GRID2: variants seen among roughly 807,000 people sequenced by gnomAD.
GRID2 encodes the protein glutamate receptor ionotropic, delta-2.
GRID2 carries 33 observed loss-of-function variants against 114.8 expected under a neutral mutation model. The observed-to-expected ratio is 0.29, with a 90% CI of 0.22 to 0.38. GRID2 has a LOEUF of 0.38. Ranked by LOEUF, GRID2 falls within the 10% of genes least tolerant of loss-of-function variation. The pLI, the probability that GRID2 is intolerant of heterozygous loss-of-function variation, is 1.00. For synonymous variants in GRID2, 505 were observed against 449.9 expected (o/e 1.12, Z -1.55); for missense variants, 1,184 against 1,257.7 (o/e 0.94, Z 0.89).
At chr4:93,717,243 G>T (rs1728977749) in intron 14 of GRID2, among the ~76,000 whole-genome samples, 1 of 152,064 alleles carries the variant, frequency 6.6e-6, no homozygotes, top group Admixed American at 6.6e-5. Context: ...TTCTTGTCCT[G>T]TTGGAACTTT....
intron 8 of GRID2, among the ~76,000 whole-genome samples, chr4:93,250,553 CA>C (rs33946614): frequency 1.4e-5 from 2 of 146,180 alleles, no homozygotes; most frequent in African/African-American, 2.5e-5. Flanking sequence ...TTCTTCTTGA[CA>C]AAAAAAAAGT....
chr4:92,323,223 T>C (rs998308209), intron 1 of GRID2, among the ~76,000 whole-genome samples: 1 of 152,150 alleles, frequency 6.6e-6, no homozygotes, highest in Admixed American at 6.6e-5. Flanking sequence ...AGAACTCTAT[T>C]ATAAAGTAAC....
chr4:93,553,694 A>G (rs913553712), intron 13 of GRID2, among the ~76,000 whole-genome samples: 2 of 152,198 alleles, frequency 1.3e-5, no homozygotes, highest in African/African-American at 4.8e-5. Context: ...CCACAAGTTT[A>G]TTAAGGAAGA....
At chr4:92,824,970 A>G (rs1741580864) in intron 2 of GRID2, among the ~76,000 whole-genome samples, 1 of 150,528 alleles carries the variant, frequency 6.6e-6, no homozygotes, top group African/African-American at 2.4e-5. Flanking sequence ...TTTATTTTTC[A>G]TATCCACAAA....
chr4:93,493,097 T>C (rs945974795), intron 12 of GRID2, among the ~76,000 whole-genome samples: 5 of 151,882 alleles, frequency 3.3e-5, no homozygotes, highest in African/African-American at 1.2e-4. Flanking sequence ...TTTTAATCAA[T>C]AAAATTGAGT....
intron 9 of GRID2, among the ~76,000 whole-genome samples, chr4:93,399,965 T>C (rs769177758): frequency 2.0e-5 from 3 of 152,108 alleles, no homozygotes; most frequent in Non-Finnish European, 4.4e-5. Context: ...ATATATTAAC[T>C]TATTTAATCC....
chr4:93,484,698 G>A (rs1294034875), intron 11 of GRID2, among the ~76,000 whole-genome samples: 1 of 151,910 alleles, frequency 6.6e-6, no homozygotes, highest in African/African-American at 2.4e-5. Context: ...TGAACAGTTG[G>A]TCACCTATAG....
At chr4:93,196,745 C>G (rs534077307) in intron 4 of GRID2, among the ~76,000 whole-genome samples, 1 of 152,266 alleles carries the variant, frequency 6.6e-6, no homozygotes, top group South Asian at 2.1e-4. Flanking sequence ...GGCACAGTAT[C>G]TAAGAATCGT....
At chr4:92,384,338 T>C (rs1729765412) in intron 1 of GRID2, among the ~76,000 whole-genome samples, 1 of 141,398 alleles carries the variant, frequency 7.1e-6, no homozygotes. Context: ...TGGAGTACAG[T>C]TTTAAAAGTA....
intron 8 of GRID2, among the ~76,000 whole-genome samples, chr4:93,305,908 C>T (rs377497572): frequency 6.6e-6 from 1 of 152,100 alleles, no homozygotes. Flanking sequence ...CACAAGTTAA[C>T]GATCTATGTG....
chr4:92,574,224 A>C (rs1391204966), intron 1 of GRID2, among the ~76,000 whole-genome samples: 3 of 152,060 alleles, frequency 2.0e-5, no homozygotes. Flanking sequence ...ACAGCATACC[A>C]ATGGGTTTTA....
chr4:92,653,136 T>A (rs1035583169), intron 2 of GRID2, among the ~76,000 whole-genome samples: 2 of 150,384 alleles, frequency 1.3e-5, no homozygotes, highest in African/African-American at 4.9e-5. Flanking sequence ...TAGCTGGGAT[T>A]ACAGGCACTT....
chr4:92,831,816 C>T (rs565763305), intron 2 of GRID2, among the ~76,000 whole-genome samples: 4 of 152,020 alleles, frequency 2.6e-5, no homozygotes, highest in East Asian at 3.9e-4. Flanking sequence ...GCTGAGATCA[C>T]GCCACTATAC....
At chr4:92,844,724 A>G (rs1265315315) in intron 2 of GRID2, among the ~76,000 whole-genome samples, 1 of 151,518 alleles carries the variant, frequency 6.6e-6, no homozygotes, top group East Asian at 1.9e-4. Context: ...AAAAAAAGAA[A>G]GAAAAAAAAA....
rs1250679485 is a variant in GRID2 at position 93,074,777 on chromosome 4, A to G, written c.245-10218A>G. On this transcript the variant is annotated intron_variant, in intron 2 of 15. Coordinates refer to ENST00000282020, the MANE Select transcript of GRID2 (RefSeq NM_001510.4). ...TGGTTGGGATCAAAGAAGATACCAT[A>G]TAAATTATCAGTATCGTATAAAGAG... is the stretch of plus-strand genomic sequence containing the variant. Among the ~76,000 whole-genome samples the G allele has an allele frequency of 6.6e-5, 10 of 152,210 alleles. No individual in the cohort carries two copies. In the South Asian group the frequency reaches 1.9e-3, roughly 28 times the overall value.
chr4:93,316,298 A>AC (rs1396298257), intron 8 of GRID2, among the ~76,000 whole-genome samples: 1 of 70,598 alleles, frequency 1.4e-5, no homozygotes, highest in Non-Finnish European at 3.5e-5. Flanking sequence ...GAACGAAAGA[A>AC]AGAAAGAAAG....
rs550998329 is a variant in GRID2, at chr4:93,598,264, G to A, written c.2194-28005G>A. On this transcript the variant is annotated intron_variant, in intron 13 of 15. Coordinates refer to ENST00000282020, the MANE Select transcript of GRID2 (RefSeq NM_001510.4). ...TTGTTATAGCTTCCATTCCACATAGGCAATCTTACAACTTCATAAAATTAT... is the reference window on the plus strand; with the variant it reads ...TTGTTATAGCTTCCATTCCACATAGACAATCTTACAACTTCATAAAATTAT... 1.1e-3 allele frequency among the ~76,000 whole-genome samples: 173 copies of A among 152,166 alleles called. 1 individual carries two copies. Among genetic ancestry groups the A allele is most frequent in the African/African-American group, 4.0e-3 (167 of 41,514 alleles).
At chr4:93,139,059 A>G (rs191783659) in intron 4 of GRID2, among the ~76,000 whole-genome samples, 1 of 152,336 alleles carries the variant, frequency 6.6e-6, no homozygotes, top group East Asian at 1.9e-4. Flanking sequence ...TCAGGCTCCA[A>G]TCAAAAACAG....
chr4:92,487,940 C>T (rs1722972229), intron 1 of GRID2, among the ~76,000 whole-genome samples: 1 of 152,012 alleles, frequency 6.6e-6, no homozygotes, highest in Admixed American at 6.6e-5. Context: ...TTTGATATTG[C>T]CCTATAGCTG....
Sources: gnomAD v4.1 joint callset for allele counts (sites outside exome capture counted in the v4.1 genomes callset) on GRCh38, gnomAD v4.1.1 for gene constraint, MANE v1.5 for transcripts, NCBI Gene and HGNC (gene_info 2026-07-23, HGNC 2026-07-21) for gene names.